Variants in TENM2 observed in about 807,000 individuals in gnomAD.
TENM2 encodes the protein teneurin-2.
Under a neutral mutation model 245.2 loss-of-function variants are expected in TENM2, and 52 were observed. That is an observed-to-expected ratio of 0.21 (90% CI 0.17 to 0.27). The LOEUF is 0.27. Among genes scored for constraint, TENM2 ranks in the 10% least tolerant of loss-of-function variants. TENM2 has a pLI of 1.00. For synonymous variants in TENM2, 1,363 were observed against 1,438.9 expected (o/e 0.95, Z 1.19); for missense variants, 3,046 against 3,666.8 (o/e 0.83, Z 4.37).
intron 2 of TENM2, among the ~76,000 whole-genome samples, chr5:167,437,088 A>T (rs1049695784): frequency 2.6e-5 from 4 of 152,236 alleles, no homozygotes; most frequent in Admixed American, 2.6e-4. Flanking sequence ...CCAGAATGGT[A>T]GATCCACCGA....
At chr5:168,227,506 A>G (rs1277656074) in intron 24 of TENM2, among the ~76,000 whole-genome samples, 1 of 146,052 alleles carries the variant, frequency 6.8e-6, no homozygotes, top group Non-Finnish European at 1.5e-5. Flanking sequence ...AACTGAAGTC[A>G]TTTGCCTTTC....
chr5:167,829,441 CAT>C (rs148573230), intron 2 of TENM2, among the ~76,000 whole-genome samples: 197 of 152,294 alleles, frequency 1.3e-3, no homozygotes, highest in South Asian at 7.0e-3. Context: ...AGAAAAACAA[CAT>C]GTGTAAACAT....
intron 2 of TENM2, among the ~76,000 whole-genome samples, chr5:167,611,450 C>T (rs149440134): frequency 6.6e-6 from 1 of 152,150 alleles, no homozygotes; most frequent in African/African-American, 2.4e-5. Context: ...AAGGAGGCTG[C>T]ATCCCTCCGT....
chr5:167,776,624 A>AAAAAAAAC (rs1561769493), intron 2 of TENM2, among the ~76,000 whole-genome samples: 10 of 61,266 alleles, frequency 1.6e-4, no homozygotes, highest in African/African-American at 6.6e-4. Context: ...AAAAAAAAAA[A>AAAAAAAAC]AACCATATAT....
intron 2 of TENM2, among the ~76,000 whole-genome samples, chr5:167,600,233 T>A (rs1776547467): frequency 6.6e-6 from 1 of 151,922 alleles, no homozygotes; most frequent in African/African-American, 2.4e-5. Context: ...TCCTGTTTTA[T>A]TCTATGCATT....
At chr5:167,279,448 TTCTA>T in the TENM2 span, among the ~76,000 whole-genome samples, 1 of 152,078 alleles carries the variant, frequency 6.6e-6, no homozygotes, top group East Asian at 1.9e-4. Flanking sequence ...GTTTCTTTCT[TTCTA>T]TCTTTCTTCC....
At chr5:167,768,333 G>A (rs1763176345) in intron 2 of TENM2, among the ~76,000 whole-genome samples, 1 of 152,078 alleles carries the variant, frequency 6.6e-6, no homozygotes, top group Non-Finnish European at 1.5e-5. Flanking sequence ...TGTTGGTAAG[G>A]TTTATTTTTA....
chr5:166,987,330 C>T, the TENM2 span, among the ~76,000 whole-genome samples: 1 of 151,918 alleles, frequency 6.6e-6, no homozygotes, highest in Non-Finnish European at 1.5e-5. Context: ...TGGATGATTG[C>T]TGTCTGCTCT....
At chr5:168,188,540 T>C (rs1295963300) in intron 13 of TENM2, among the ~76,000 whole-genome samples, 2 of 152,204 alleles carry the variant, frequency 1.3e-5, no homozygotes, top group African/African-American at 4.8e-5. Flanking sequence ...TTTTATTCAT[T>C]CAACAAACAT....
chr5:167,403,668 C>CTTCT (rs1216016429), intron 2 of TENM2, among the ~76,000 whole-genome samples: 2 of 152,102 alleles, frequency 1.3e-5, no homozygotes, highest in African/African-American at 4.8e-5. Context: ...TACGTGGCAA[C>CTTCT]TTCTTCAGAA....
Position 168,238,460 on chromosome 5 carries a change from T to C in TENM2, c.5521-5960T>C, listed in dbSNP as rs542710300. On this transcript the variant is annotated intron_variant, in intron 25 of 28. Transcript: ENST00000518659. Reference sequence around the variant, plus strand: ...TCGTGACCCCCCTCACTAATCTTTTTTGGGTTTCCCATACTCAAAGCAGGA... The same window carrying C: ...TCGTGACCCCCCTCACTAATCTTTTCTGGGTTTCCCATACTCAAAGCAGGA... 3.9e-5 allele frequency among the ~76,000 whole-genome samples: 6 copies of C among 152,266 alleles called. No individual in the cohort carries two copies. In the South Asian group the frequency reaches 1.0e-3, roughly 26 times the overall value.
chr5:167,729,261 TCTAATTTCA>T (rs1318357746), intron 2 of TENM2: 2 of 152,222 alleles, frequency 1.3e-5, no homozygotes, highest in Non-Finnish European at 2.9e-5. Flanking sequence ...CCCTTAACTC[TCTAATTTCA>T]CTGATTTCTG....
intron 12 of TENM2, among the ~76,000 whole-genome samples, chr5:168,155,910 A>G (rs1757118886): frequency 6.8e-6 from 1 of 147,922 alleles, no homozygotes; most frequent in Non-Finnish European, 1.5e-5. Context: ...AAAAAAAAAA[A>G]AAAAAAAAAA....
intron 7 of TENM2, among the ~76,000 whole-genome samples, chr5:168,073,028 G>A (rs529078566): frequency 4.0e-4 from 61 of 152,240 alleles, no homozygotes; most frequent in African/African-American, 1.3e-3. Context: ...GGTAGCAGAG[G>A]TTTGGGGTGC....
At chr5:167,532,767 T>C (rs1051555242) in intron 2 of TENM2, among the ~76,000 whole-genome samples, 1 of 149,456 alleles carries the variant, frequency 6.7e-6, no homozygotes, top group African/African-American at 2.5e-5. Context: ...CATATGTGTA[T>C]ATATACACAT....
At chr5:167,600,088 T>TAGCCAACACTGCACCACTCCACTCCAG (rs1314946515) in intron 2 of TENM2, among the ~76,000 whole-genome samples, 21 of 149,496 alleles carry the variant, frequency 1.4e-4, no homozygotes, top group South Asian at 4.4e-4. Context: ...GGAGTTTGCT[T>TAGCCAACACTGCACCACTCCACTCCAG]CATTTATAGG....
chr5:167,640,619 C>CAAAA (rs777939339), intron 2 of TENM2, among the ~76,000 whole-genome samples: 3 of 76,260 alleles, frequency 3.9e-5, no homozygotes, highest in South Asian at 3.8e-4. Context: ...AACTCCATCT[C>CAAAA]AAAAAAAAAA....
intron 7 of TENM2, among the ~76,000 whole-genome samples, chr5:168,081,991 G>A (rs926676140): frequency 4.6e-5 from 7 of 152,148 alleles, no homozygotes; most frequent in South Asian, 2.1e-4. Flanking sequence ...TTGCTAGGTT[G>A]GGAAAGTTCT....
chr5:167,120,060 G>A, the TENM2 span, among the ~76,000 whole-genome samples: 1 of 152,132 alleles, frequency 6.6e-6, no homozygotes, highest in Non-Finnish European at 1.5e-5. Flanking sequence ...ACTGAACAGA[G>A]AGAAAGAGAA....
Sources: allele counts gnomAD v4.1 joint callset (sites outside exome capture counted in the v4.1 genomes callset), GRCh38; gene constraint gnomAD v4.1.1; transcripts MANE v1.5; gene names NCBI Gene and HGNC (gene_info 2026-07-23, HGNC 2026-07-21).